Variants in CTNND2 observed in about 807,000 individuals in gnomAD.
CTNND2 encodes catenin delta-2.
A neutral mutation model predicts 144.4 loss-of-function variants in CTNND2; 22 were observed. The observed-to-expected ratio is 0.15, with a 90% CI of 0.11 to 0.22. The LOEUF (loss-of-function observed/expected upper bound fraction) is 0.22. Among genes scored for constraint, CTNND2 ranks in the 10% least tolerant of loss-of-function variants. The pLI is 1.00. For missense variants in CTNND2, 1,353 were observed against 1,618.8 expected (o/e 0.84, Z 2.82); for synonymous variants, 751 against 695.6 (o/e 1.08, Z -1.25).
At chr5:11,380,492 C>T (rs956549691) in intron 7 of CTNND2, among the ~76,000 whole-genome samples, 2 of 152,286 alleles carry the variant, frequency 1.3e-5, no homozygotes, top group African/African-American at 4.8e-5. Context: ...GAGCAATGAG[C>T]CTACCAGCCT....
At chr5:11,097,316 T>A (rs984167361) in intron 15 of CTNND2, among the ~76,000 whole-genome samples, 4 of 152,216 alleles carry the variant, frequency 2.6e-5, no homozygotes, top group Admixed American at 6.5e-5. Context: ...GTCTACCTGG[T>A]GCAACTCTGC....
intron 11 of CTNND2, among the ~76,000 whole-genome samples, chr5:11,198,186 T>C (rs1044765539): frequency 2.0e-5 from 3 of 152,228 alleles, no homozygotes; most frequent in Admixed American, 6.5e-5. Context: ...GATATCATAC[T>C]GTGTAGATAA....
At chr5:10,984,938 G>A (rs953106095) in intron 20 of CTNND2, among the ~76,000 whole-genome samples, 3 of 152,066 alleles carry the variant, frequency 2.0e-5, no homozygotes, top group Non-Finnish European at 4.4e-5. Context: ...GCCGGGCATG[G>A]TGGCAGGTGC....
rs769623284 is a variant in CTNND2 at position 11,385,171 on chromosome 5, G to C, written c.671C>G (p.Pro224Arg). Reference protein sequence around the residue: ...AGPEPAPPPPPPPREPFAPSL... With the variant: ...AGPEPAPPPPRPPREPFAPSL... ...GGGCGCGAACGGCTCCCGCGGCGGCGGCGGCGGCGGCGGCGCGGGCTCGGG... is the reference window on the plus strand; with the variant it reads ...GGGCGCGAACGGCTCCCGCGGCGGCCGCGGCGGCGGCGGCGCGGGCTCGGG... The change falls in exon 7 of 22, where the codon CCG (proline) becomes CGG (arginine). Residue 224 changes from proline to arginine, a missense_variant. Around this residue, in one of 4 missense-constraint regions of CTNND2, gnomAD observed 708 missense variants for 706.4 expected, o/e 1.00. Transcript: ENST00000304623. 9.7e-7 allele frequency: 1 copy of C among 1,029,298 alleles called. No homozygotes were observed. The highest frequency in any genetic ancestry group is 8.3e-5 in the East Asian group (1 of 12,020). 63.8% of individuals were successfully genotyped at this position (1,029,298 alleles called of 1,614,324 possible).
chr5:11,712,240 G>A (rs755337111), intron 2 of CTNND2, among the ~76,000 whole-genome samples: 2 of 152,042 alleles, frequency 1.3e-5, no homozygotes, highest in Non-Finnish European at 2.9e-5. Context: ...ATTCCACAAT[G>A]ACTACTTCCA....
intron 3 of CTNND2, among the ~76,000 whole-genome samples, chr5:11,473,017 C>G (rs1043186296): frequency 4.6e-5 from 7 of 151,940 alleles, no homozygotes; most frequent in African/African-American, 1.7e-4. Context: ...TTGCAGTGAG[C>G]CGAGATCGTA....
intron 11 of CTNND2, among the ~76,000 whole-genome samples, chr5:11,179,892 A>C (rs1006716720): frequency 5.3e-5 from 8 of 152,234 alleles, no homozygotes; most frequent in African/African-American, 1.9e-4. Flanking sequence ...TCAACCTAAC[A>C]TGGGGATAAC....
chr5:11,816,601 GGAGGGAAGAGAGAGAGA>G (rs1792675310), intron 1 of CTNND2, among the ~76,000 whole-genome samples: 1 of 136,264 alleles, frequency 7.3e-6, no homozygotes, highest in African/African-American at 2.8e-5. Context: ...AGCAGGTAGG[GGAGGGAAGAGAGAGAGA>G]GAGGGAAGAG....
chr5:11,126,363 T>C (rs1188678617), intron 12 of CTNND2, among the ~76,000 whole-genome samples: 1 of 152,236 alleles, frequency 6.6e-6, no homozygotes, highest in Non-Finnish European at 1.5e-5. Flanking sequence ...TTAATGAATA[T>C]CCAGATTATT....
chr5:11,085,096 A>G (rs1015132345), intron 15 of CTNND2, among the ~76,000 whole-genome samples: 9 of 152,216 alleles, frequency 5.9e-5, no homozygotes, highest in East Asian at 1.9e-4. Context: ...ACACCCCCCA[A>G]TGCTGGATGA....
chr5:11,396,052 A>ATAGT (rs201674169), intron 6 of CTNND2, among the ~76,000 whole-genome samples: 3,181 of 152,326 alleles, frequency 0.021, 115 homozygotes, highest in African/African-American at 0.072. Flanking sequence ...CGGGGGTTAC[A>ATAGT]GAGCCAGTGG....
At chr5:11,301,025 C>T (rs796980758) in intron 9 of CTNND2, among the ~76,000 whole-genome samples, 7 of 151,970 alleles carry the variant, frequency 4.6e-5, no homozygotes, top group Non-Finnish European at 5.9e-5. Context: ...TTTTTTGAGA[C>T]GGAGTCTGGG....
intron 1 of CTNND2, among the ~76,000 whole-genome samples, chr5:11,752,923 T>G (rs1788708784): frequency 6.6e-6 from 1 of 151,848 alleles, no homozygotes; most frequent in South Asian, 2.1e-4. Flanking sequence ...CCTAGGTATT[T>G]TGCACTATTT....
chr5:11,283,325 A>T (rs939592359), intron 9 of CTNND2, among the ~76,000 whole-genome samples: 1 of 152,112 alleles, frequency 6.6e-6, no homozygotes, highest in Non-Finnish European at 1.5e-5. Context: ...AAGGAGTGTC[A>T]TGATACCAAA....
chr5:11,026,356 CTTTTT>C lies in CTNND2; in HGVS notation c.2789-3382_2789-3378del, dbSNP rs67196223. Among the ~76,000 whole-genome samples the C allele has an allele frequency of 4.6e-3, 535 of 117,036 alleles. 6 individuals are homozygous for C. Among genetic ancestry groups the C allele is most frequent in the African/African-American group, 0.016 (514 of 31,812 alleles). 76.8% of individuals were successfully genotyped at this position (117,036 alleles called of 152,430 possible). A position where few individuals can be genotyped will look rare whatever the true frequency, so the allele number is the denominator to read the frequency against. On this transcript the variant is annotated intron_variant, in intron 16 of 21. Coordinates refer to ENST00000304623, the MANE Select transcript of CTNND2 (RefSeq NM_001332.4). ...CAGCTGACTACTCCACCTTCTTCTT[CTTTTT>C]TTTTTTTTTTTTTTTTAAGACAGTC...
chr5:11,783,580 C>A (rs1213060342), intron 1 of CTNND2, among the ~76,000 whole-genome samples: 2 of 152,016 alleles, frequency 1.3e-5, no homozygotes, highest in African/African-American at 4.8e-5. Context: ...AGGTATAGAG[C>A]AGATGACATA....
At chr5:11,519,990 A>C (rs1032324196) in intron 3 of CTNND2, among the ~76,000 whole-genome samples, 1 of 150,946 alleles carries the variant, frequency 6.6e-6, no homozygotes, top group Non-Finnish European at 1.5e-5. Flanking sequence ...AATAGAATAA[A>C]AAAAAAAACA....
chr5:11,539,131 AG>A (rs1290140463), intron 3 of CTNND2, among the ~76,000 whole-genome samples: 1 of 152,204 alleles, frequency 6.6e-6, no homozygotes, highest in Non-Finnish European at 1.5e-5. Context: ...TGAAAATGTC[AG>A]GGAGTCCACT....
chr5:11,723,169 T>G (rs1011985305), intron 2 of CTNND2, among the ~76,000 whole-genome samples: 1 of 152,214 alleles, frequency 6.6e-6, no homozygotes, highest in Admixed American at 6.5e-5. Flanking sequence ...TTTTTATGTT[T>G]TTTATGTGTA....
Sources: allele counts gnomAD v4.1 joint callset (sites outside exome capture counted in the v4.1 genomes callset), GRCh38; gene constraint gnomAD v4.1.1; regional missense constraint gnomAD v4.1.1; transcripts MANE v1.5; gene names NCBI Gene and HGNC (gene_info 2026-07-23, HGNC 2026-07-21).